The following CRISP3 variants were observed in gnomAD, a reference collection of about 807,000 sequenced individuals.
CRISP3 encodes the protein cysteine-rich secretory protein 3.
CRISP3 carries 33 observed loss-of-function variants against 36.1 expected under a neutral mutation model. The observed-to-expected ratio is 0.91, with a 90% CI of 0.69 to 1.22. The LOEUF (loss-of-function observed/expected upper bound fraction) is 1.22. CRISP3 is among the 50% of genes most tolerant of loss of function. The probability of loss-of-function intolerance (pLI) is 0.00; values close to 1 mark genes in which losing one functional copy is unlikely to be tolerated. For missense variants in CRISP3, 330 were observed against 301.2 expected (o/e 1.10, Z -0.71); for synonymous variants, 117 against 104.6 (o/e 1.12, Z -0.72).
chr6:49,741,137 C>CAAAAAAAAAAAAACAAAA (rs1222966473), intron 1 of CRISP3, among the ~76,000 whole-genome samples: 2 of 99,258 alleles, frequency 2.0e-5, no homozygotes, highest in Non-Finnish European at 4.0e-5. Flanking sequence ...AAAAAACAAA[C>CAAAAAAAAAAAAACAAAA]AAAAAAAAAC....
chr6:49,738,498 G>A (rs1769116874), intron 1 of CRISP3, among the ~76,000 whole-genome samples: 1 of 152,122 alleles, frequency 6.6e-6, no homozygotes, highest in Admixed American at 6.5e-5. Context: ...TGGACTGAAC[G>A]TTAATAGAAG....
At chr6:49,728,940 G>A (rs1264598855) in intron 7 of CRISP3, 83 bp from the exon 8 acceptor site, 21 of 1,331,838 alleles carry the variant, frequency 1.6e-5, no homozygotes, top group South Asian at 1.3e-4. Flanking sequence ...CTATATGAAC[G>A]GAGAGTAGGG....
Position 49,735,527 on chromosome 6 carries a change from C to T in CRISP3, c.293G>A (p.Ser98Asn). ...KWANQCNYRH[S>N]NPKDRMTSLK... Reference sequence around the variant, plus strand: ...ACTTGTCATTCGATCCTTTGGGTTACTGTGTCTGTAATTGCACTGGTTTGC... The same window carrying T: ...ACTTGTCATTCGATCCTTTGGGTTATTGTGTCTGTAATTGCACTGGTTTGC... Residue 98 changes from serine to asparagine, a missense_variant, in exon 4 of 8, where the codon AGT becomes AAT. By Grantham distance (46) the Ser-to-Asn change is conservative (BLOSUM62 1). Coordinates refer to ENST00000263045, the MANE Select transcript of CRISP3 (RefSeq NM_006061.4). 3 of 1,611,962 alleles carry T rather than the reference C, an allele frequency of 1.9e-6. No homozygotes were observed. The highest frequency in any genetic ancestry group is 2.5e-6 in the Non-Finnish European group (3 of 1,178,722).
At chr6:49,735,008 A>G (rs1035059808) in intron 4 of CRISP3, among the ~76,000 whole-genome samples, 132 of 152,256 alleles carry the variant, frequency 8.7e-4, no homozygotes, top group African/African-American at 3.1e-3. Context: ...AGTTAATGCT[A>G]ATGTTAAATA....
rs148430181 is a variant in CRISP3, at chr6:49,741,452, T to G, written c.37+2879A>C. On this transcript the variant is annotated intron_variant, in intron 1 of 7. Transcript: ENST00000263045. The stretch of plus-strand genomic sequence containing the variant: ...CTAACAAAATATTAACTCATCAATT[T>G]CAAAAATATATTAAAAATATCATGA... 6.1e-3 allele frequency among the ~76,000 whole-genome samples: 926 copies of G among 152,176 alleles called. 10 individuals are homozygous for G. The highest frequency in any genetic ancestry group is 0.021 in the African/African-American group (867 of 41,540).
At chr6:49,736,977 A>C (rs1290845794) in intron 2 of CRISP3, among the ~76,000 whole-genome samples, 1 of 152,182 alleles carries the variant, frequency 6.6e-6, no homozygotes, top group Non-Finnish European at 1.5e-5. Context: ...GCCTAAGTGC[A>C]TGTGTAACAT....
intron 1 of CRISP3, among the ~76,000 whole-genome samples, chr6:49,744,117 A>T (rs1769273390): frequency 6.6e-6 from 1 of 152,152 alleles, no homozygotes; most frequent in South Asian, 2.1e-4. Flanking sequence ...ACTGGATAAA[A>T]GTGCTTTTGG....
intron 1 of CRISP3, among the ~76,000 whole-genome samples, chr6:49,743,178 CT>C (rs957198012): frequency 3.3e-5 from 5 of 151,900 alleles, no homozygotes; most frequent in African/African-American, 1.2e-4. Context: ...TTGAGAAGCA[CT>C]TTTTTTTCAA....
chr6:49,739,058 A>C (rs2127452971), intron 1 of CRISP3, among the ~76,000 whole-genome samples: 1 of 152,106 alleles, frequency 6.6e-6, no homozygotes, highest in East Asian at 1.9e-4. Flanking sequence ...CTGGAGCTCC[A>C]GAAGATTTCA....
intron 7 of CRISP3, among the ~76,000 whole-genome samples, chr6:49,729,991 C>T (rs1348062348): frequency 6.6e-6 from 1 of 152,016 alleles, no homozygotes; most frequent in East Asian, 1.9e-4. Context: ...TTTGGCAGTG[C>T]TGGAAATATT....
rs777097748 is a variant in CRISP3, at chr6:49,737,481, C to T, written c.38-83G>A. On this transcript the variant is annotated intron_variant, in intron 1 of 7. Transcript: ENST00000263045. ...TTGAGTAACATGGGGGTGGGAGAAA[C>T]GTAATGACCTCCATTATCCCAAATT... 16 of 1,392,482 alleles carry T rather than the reference C, an allele frequency of 1.1e-5. No individual in the cohort carries two copies. The East Asian group carries it at 1.6e-4, about 14-fold the overall frequency. The allele number at this position is 1,392,482 out of a possible 1,614,324, so 86.3% of individuals were successfully genotyped here.
At chr6:49,737,482 G>A in intron 1 of CRISP3, 84 bp from the exon 2 acceptor site, 3 of 1,388,270 alleles carry the variant, frequency 2.2e-6, no homozygotes, top group African/African-American at 1.4e-5. Context: ...TGGGAGAAAC[G>A]TAATGACCTC....
chr6:49,743,851 A>T (rs1769266722), intron 1 of CRISP3, among the ~76,000 whole-genome samples: 1 of 152,070 alleles, frequency 6.6e-6, no homozygotes, highest in African/African-American at 2.4e-5. Flanking sequence ...GGTCTTTAAT[A>T]AAATACTTTT....
rs144464003 is a variant in CRISP3 at position 49,737,373 on chromosome 6, C to G, written c.63G>C (p.Leu21Phe). Residue 21 changes from leucine to phenylalanine, a missense_variant, in exon 2 of 8, where the codon TTG becomes TTC. By Grantham distance (22) the Leu-to-Phe change is conservative. Coordinates refer to ENST00000263045, the MANE Select transcript of CRISP3 (RefSeq NM_006061.4). ...TTAMTLFPVL[L>F]FLVAGLLPSF... is the part of the protein sequence containing the mutation. ...ATGGAAGCAGCCCAGCAACCAGGAA[C>G]AACAGCACTGGGAATAATGTCATTG... 7.6e-5 allele frequency: 122 copies of G among 1,613,812 alleles called. No individual in the cohort carries two copies. Among genetic ancestry groups the G allele is most frequent in the Non-Finnish European group, 1.0e-4 (118 of 1,179,944 alleles).
intron 7 of CRISP3, among the ~76,000 whole-genome samples, chr6:49,730,658 G>A (rs1325519403): frequency 6.6e-6 from 1 of 152,150 alleles, no homozygotes; most frequent in Non-Finnish European, 1.5e-5. Context: ...TGGATGGTAA[G>A]TGTTTCAACA....
rs142187249 is a variant in CRISP3, at chr6:49,733,788, A to G, written c.377T>C (p.Ile126Thr). 1 of 1,613,736 alleles carries G rather than the reference A, an allele frequency of 6.2e-7. No individual in the cohort carries two copies. The highest frequency in any genetic ancestry group is 8.5e-7 in the Non-Finnish European group (1 of 1,179,792). The change falls in exon 5 of 8, where the codon ATC (isoleucine) becomes ACC (threonine). Residue 126 changes from isoleucine to threonine, a missense_variant. Ile to Thr is a moderately conservative substitution (Grantham distance 89). Coordinates refer to ENST00000263045, the MANE Select transcript of CRISP3 (RefSeq NM_006061.4). ...SSASSSWSQAIQSWFDEYNDF... is the reference protein window; with the variant it reads ...SSASSSWSQATQSWFDEYNDF... The stretch of plus-strand genomic sequence containing the variant: ...ATTGTACTCATCAAACCAGCTTTGG[A>G]TTGCTTGTGACCATGAGCTGGAGGC...
At position 49,733,186 on chromosome 6, in the gene CRISP3, T is replaced by C. The variant is rs764350373; in HGVS notation, c.560+9A>G. On this transcript the variant is annotated intron_variant, in intron 6 of 7. Transcript: ENST00000263045. The stretch of plus-strand genomic sequence containing the variant: ...ATTATTGACAATAAACGCTAAAATA[T>C]ATACTTACGCAGGACAATATTGGCA... 2.7e-6 allele frequency: 4 copies of C among 1,497,900 alleles called. No individual in the cohort carries two copies. Among genetic ancestry groups the C allele is most frequent in the Admixed American group, 1.9e-5 (1 of 51,922 alleles). 92.8% of individuals were successfully genotyped at this position (1,497,900 alleles called of 1,614,324 possible).
chr6:49,733,649 C>A (rs1356784223), intron 5 of CRISP3, 54 bp downstream of exon 5: 24 of 1,528,726 alleles, frequency 1.6e-5, no homozygotes, highest in Non-Finnish European at 2.1e-5. Flanking sequence ...TTTGAAGAAT[C>A]CTTTTTTTTT....
chr6:49,742,631 C>CAAA (rs33995764), intron 1 of CRISP3, among the ~76,000 whole-genome samples: 12 of 71,214 alleles, frequency 1.7e-4, no homozygotes, highest in South Asian at 5.2e-4. Flanking sequence ...GACTCCATCT[C>CAAA]AAAAAAAAAA....
Sources: allele counts gnomAD v4.1 joint callset (sites outside exome capture counted in the v4.1 genomes callset), GRCh38; gene constraint gnomAD v4.1.1; transcripts MANE v1.5; gene names NCBI Gene and HGNC (gene_info 2026-07-23, HGNC 2026-07-21).